FCHSD2: variants seen among roughly 807,000 people sequenced by gnomAD.
FCHSD2 encodes F-BAR and double SH3 domains protein 2.
FCHSD2 carries 38 observed loss-of-function variants against 108.1 expected under a neutral mutation model. The ratio of observed to expected loss-of-function variants is 0.35; its 90% CI spans 0.27 to 0.46. The LOEUF (loss-of-function observed/expected upper bound fraction) is 0.46, where lower values mean the gene tolerates loss of function less well. Ranked by LOEUF, FCHSD2 falls within the 20% of genes least tolerant of loss-of-function variation. The probability of loss-of-function intolerance (pLI) is 1.00; values close to 1 mark genes in which losing one functional copy is unlikely to be tolerated. For missense variants in FCHSD2, 751 were observed against 897.8 expected, an observed-to-expected ratio of 0.84 and a Z score of 2.09; for synonymous variants, 279 against 314.7, an observed-to-expected ratio of 0.89 and a Z score of 1.20.
At chr11:72,856,844 T>C (rs1033897879) in intron 13 of FCHSD2, among the ~76,000 whole-genome samples, 1 of 152,136 alleles carries the variant, frequency 6.6e-6, no homozygotes, top group African/African-American at 2.4e-5. Context: ...ATGCTAGAAA[T>C]TGCCATAAAA....
chr11:73,127,912 A>G (rs1860897079), intron 2 of FCHSD2, among the ~76,000 whole-genome samples: 2 of 151,658 alleles, frequency 1.3e-5, no homozygotes, highest in African/African-American at 4.8e-5. Context: ...CCTGGCCAAC[A>G]TAGTGAAGCA....
In FCHSD2 at chr11:73,073,018, T is replaced by C. The variant is rs1201444373; in HGVS notation, c.165+10677A>G. 3.3e-5 allele frequency among the ~76,000 whole-genome samples: 5 copies of C among 152,254 alleles called. No homozygotes were observed. In the South Asian group the frequency reaches 6.2e-4, roughly 19 times the overall value. ...GCCCTTAAAGTCCACAATGTTTTCC[T>C]GCTCCTTCTCTCCAGCCACAGTAAC... On this transcript the variant is annotated intron_variant, in intron 3 of 19. Coordinates refer to ENST00000409418, the MANE Select transcript of FCHSD2 (RefSeq NM_014824.3).
Position 72,954,196 on chromosome 11 carries a change from A to AATTTTTTT in FCHSD2, c.705+29891_705+29892insAAAAAAAT, listed in dbSNP as rs1565339614. ...TAGAATATTAGCAGTAGATGTGGGG[A>AATTTTTTT]TTTTTTTTTTTTTTTTTTTTTTTTT... On this transcript the variant is annotated intron_variant, in intron 8 of 19. Coordinates refer to ENST00000409418, the MANE Select transcript of FCHSD2 (RefSeq NM_014824.3). Among the ~76,000 whole-genome samples the AATTTTTTT allele has an allele frequency of 9.0e-5, 10 of 111,702 alleles. 4 individuals carry two copies. Among genetic ancestry groups the AATTTTTTT allele is most frequent in the Non-Finnish European group, 5.4e-5 (3 of 55,680 alleles). 73.3% of individuals were successfully genotyped at this position (111,702 alleles called of 152,430 possible). A position where few individuals can be genotyped will look rare whatever the true frequency, so the allele number is the denominator to read the frequency against.
At chr11:72,916,131 T>C (rs1855868966) in intron 9 of FCHSD2, among the ~76,000 whole-genome samples, 1 of 151,936 alleles carries the variant, frequency 6.6e-6, no homozygotes, top group South Asian at 2.1e-4. Context: ...AATACGTGGG[T>C]GATAAAATAA....
At chr11:72,991,883 T>C (rs1366356306) in intron 5 of FCHSD2, among the ~76,000 whole-genome samples, 4 of 152,202 alleles carry the variant, frequency 2.6e-5, no homozygotes, top group Non-Finnish European at 5.9e-5. Flanking sequence ...CCACTCCTAT[T>C]CAACATAGTG....
At chr11:73,084,472 C>T (rs1859768950) in intron 2 of FCHSD2, among the ~76,000 whole-genome samples, 2 of 152,116 alleles carry the variant, frequency 1.3e-5, no homozygotes, top group African/African-American at 4.8e-5. Flanking sequence ...CCCACTGCAG[C>T]CTTTAATTCC....
chr11:72,986,572 A>G (rs1037227174), intron 6 of FCHSD2, among the ~76,000 whole-genome samples: 2 of 152,166 alleles, frequency 1.3e-5, no homozygotes, highest in Non-Finnish European at 2.9e-5. Context: ...AAAGGCCACA[A>G]ACTCAAATCT....
intron 8 of FCHSD2, among the ~76,000 whole-genome samples, chr11:72,961,863 G>A (rs1856824174): frequency 6.6e-6 from 1 of 152,218 alleles, no homozygotes; most frequent in Admixed American, 6.5e-5. Context: ...CAACAAACAT[G>A]TCACCCCTTT....
intron 3 of FCHSD2, among the ~76,000 whole-genome samples, chr11:73,020,079 G>T (rs1320675209): frequency 1.3e-5 from 2 of 152,140 alleles, no homozygotes; most frequent in African/African-American, 2.4e-5. Context: ...CTTCCATAAA[G>T]ATGTACTATC....
intron 8 of FCHSD2, among the ~76,000 whole-genome samples, chr11:72,953,092 A>C (rs1330309610): frequency 6.6e-6 from 1 of 152,242 alleles, no homozygotes; most frequent in Non-Finnish European, 1.5e-5. Flanking sequence ...AAATAAACAT[A>C]GTATTAGATA....
At chr11:73,013,200 C>T (rs77715619) in intron 4 of FCHSD2, among the ~76,000 whole-genome samples, 1 of 152,186 alleles carries the variant, frequency 6.6e-6, no homozygotes, top group Non-Finnish European at 1.5e-5. Context: ...TAACCTCTAA[C>T]CCACATACTT....
intron 8 of FCHSD2, among the ~76,000 whole-genome samples, chr11:72,957,269 T>G (rs984504466): frequency 2.1e-5 from 3 of 143,776 alleles, no homozygotes; most frequent in African/African-American, 5.2e-5. Flanking sequence ...CACCTATGAG[T>G]GAGAATATGC....
At chr11:72,892,832 T>C (rs536781522) in intron 10 of FCHSD2, among the ~76,000 whole-genome samples, 3 of 151,860 alleles carry the variant, frequency 2.0e-5, no homozygotes, top group South Asian at 4.2e-4. Flanking sequence ...TCTCGATCTC[T>C]TGACCTCGTG....
chr11:72,984,152 G>A lies in FCHSD2; in HGVS notation c.641C>T (p.Thr214Ile). 6.2e-7 allele frequency: 1 copy of A among 1,613,282 alleles called. No individual in the cohort carries two copies. The highest frequency in any genetic ancestry group is 2.2e-5 in the East Asian group (1 of 44,874). ...CTGATGTGCATTTGCTGCCGCTAGG[G>A]TAAGAAGATAATCATTCCTTGCGTG... Reference protein sequence around the residue: ...ATHARNDYLLTLAAANAHQDR... With the variant: ...ATHARNDYLLILAAANAHQDR... Residue 214 changes from threonine to isoleucine, a missense_variant, in exon 8 of 20, where the codon ACC (threonine) becomes ATC (isoleucine). Coordinates refer to ENST00000409418, the MANE Select transcript of FCHSD2 (RefSeq NM_014824.3).
At position 72,921,925 on chromosome 11, in the gene FCHSD2, T is replaced by G. The variant is rs1186628639; in HGVS notation, c.731A>C (p.His244Pro). 1 of 1,596,262 alleles carries G rather than the reference T, an allele frequency of 6.3e-7. No homozygotes were observed. Among genetic ancestry groups the G allele is most frequent in the South Asian group, 1.1e-5 (1 of 88,698 alleles). Residue 244 changes from histidine (H) to proline (P), a missense_variant, in exon 9 of 20, where the codon CAT (histidine) becomes CCT (proline). Physicochemically the swap from His to Pro is moderately conservative, Grantham distance 77. Coordinates refer to ENST00000409418, the MANE Select transcript of FCHSD2 (RefSeq NM_014824.3). ...GAAGGCTATTAAATAATCCTTGAGATGATCATACACATTTCCATCAAGAGC... is the reference window on the plus strand; with the variant it reads ...GAAGGCTATTAAATAATCCTTGAGAGGATCATACACATTTCCATCAAGAGC... Reference protein sequence around the residue: ...MKALDGNVYDHLKDYLIAFSR... With the variant: ...MKALDGNVYDPLKDYLIAFSR...
chr11:72,875,509 T>C (rs980168195), intron 12 of FCHSD2, among the ~76,000 whole-genome samples: 6 of 152,152 alleles, frequency 3.9e-5, no homozygotes, highest in African/African-American at 1.4e-4. Context: ...TTAAAGTTTT[T>C]TGTAGAGATG....
intron 3 of FCHSD2, among the ~76,000 whole-genome samples, chr11:73,026,433 T>C (rs1858231057): frequency 6.6e-6 from 1 of 152,198 alleles, no homozygotes; most frequent in South Asian, 2.1e-4. Flanking sequence ...ATAGTGACCA[T>C]TTTACATCAT....
chr11:73,101,688 T>C (rs1419122346), intron 2 of FCHSD2, among the ~76,000 whole-genome samples: 1 of 151,956 alleles, frequency 6.6e-6, no homozygotes, highest in African/African-American at 2.4e-5. Context: ...CCTCCCACTT[T>C]GGCCTCCCAA....
rs1251061146 is a variant in FCHSD2, at chr11:73,074,667, TCAAA to T, written c.165+9024_165+9027del. Among the ~76,000 whole-genome samples the T allele has an allele frequency of 9.9e-5, 15 of 152,158 alleles. No individual in the cohort carries two copies. The East Asian group carries it at 2.1e-3, about 22-fold the overall frequency. On this transcript the variant is annotated intron_variant, in intron 3 of 19. Transcript: ENST00000409418. ...GAAACCATTAACAGATAAAAAGCTA[TCAAA>T]CAAAACATTTCCACATGAGATTACA...
Sources: gnomAD v4.1 joint callset for allele counts (sites outside exome capture counted in the v4.1 genomes callset) on GRCh38, gnomAD v4.1.1 for gene constraint, MANE v1.5 for transcripts, NCBI Gene and HGNC (gene_info 2026-07-23, HGNC 2026-07-21) for gene names.